FIBIN: variants seen among roughly 807,000 people sequenced by gnomAD.
The protein encoded by FIBIN is fin bud initiation factor homolog (zebrafish).
FIBIN carries 8 observed loss-of-function variants against 13.0 expected under a neutral mutation model. That is an observed-to-expected ratio of 0.62 (90% CI 0.36 to 1.11). The LOEUF (loss-of-function observed/expected upper bound fraction) is 1.11, where lower values mean the gene tolerates loss of function less well. FIBIN is among the 50% of genes most tolerant of loss of function. The pLI, the probability that FIBIN is intolerant of heterozygous loss-of-function variation, is 0.02. For synonymous variants in FIBIN, 127 were observed against 114.7 expected (o/e 1.11, Z -0.69); for missense variants, 261 against 260.2 (o/e 1.00, Z -0.02).
Position 26,994,815 on chromosome 11 carries a change from G to GTGGAGGATGCTGGGCGCCAGGTGGAGGA in FIBIN, c.291_292insGAGGATGCTGGGCGCCAGGTGGAGGATG (p.Leu98GlufsTer51). 1.2e-6 allele frequency: 2 copies of GTGGAGGATGCTGGGCGCCAGGTGGAGGA among 1,602,154 alleles called. No individual in the cohort carries two copies. Among genetic ancestry groups the GTGGAGGATGCTGGGCGCCAGGTGGAGGA allele is most frequent in the Non-Finnish European group, 1.7e-6 (2 of 1,172,852 alleles). ...CCGCCAGGTGGAGGATGCTGGGCGC[G>GTGGAGGATGCTGGGCGCCAGGTGGAGGA]TGCTGGAGGGCATCAGCAAAAGCAT... On this transcript the variant is annotated frameshift_variant, in exon 1 of 1. Coordinates refer to ENST00000318627, the MANE Select transcript of FIBIN (RefSeq NM_203371.2). LOFTEE classifies it high-confidence loss of function.
rs375562424 is a variant in FIBIN at position 26,996,612 on chromosome 11, TACAC to T, written c.*1465_*1468del. On this transcript the variant is annotated 3_prime_UTR_variant, in exon 1 of 1. Transcript: ENST00000318627. ...CTTTCTTGTTGCATATATGCACAGA[TACAC>T]ACACACACACACACGAAAATAAATA... Among the ~76,000 whole-genome samples, 3 of 150,532 alleles carry T rather than the reference TACAC, an allele frequency of 2.0e-5. No individual in the cohort carries two copies. The highest frequency in any genetic ancestry group is 6.6e-5 in the Admixed American group (1 of 15,060).
rs1850926692 is a variant in FIBIN, at chr11:26,996,216, A to G, written c.*1054A>G. 6.0e-6 allele frequency: 1 copy of G among 166,950 alleles called. No individual in the cohort carries two copies. The highest frequency in any genetic ancestry group is 6.5e-5 in the Admixed American group (1 of 15,292). 10.3% of individuals were successfully genotyped at this position (166,950 alleles called of 1,614,324 possible). ...AGAAGGACTGGATTTAAGCCAGTTT[A>G]CTTAGAGTATATGATAAAGAAGGCA... On this transcript the variant is annotated 3_prime_UTR_variant, in exon 1 of 1. Coordinates refer to ENST00000318627, the MANE Select transcript of FIBIN (RefSeq NM_203371.2).
rs1477026106 is a variant in FIBIN, at chr11:26,995,647, T to C, written c.*485T>C. ...ATGAGGTTCAAGGTGCTGCTTTGCA[T>C]GCCTGCCAACCCATGGAAGTTGTTT... is the stretch of plus-strand genomic sequence containing the variant. On this transcript the variant is annotated 3_prime_UTR_variant, in exon 1 of 1. Transcript: ENST00000318627. 6.0e-6 allele frequency: 1 copy of C among 167,852 alleles called. No homozygotes were observed. Among genetic ancestry groups the C allele is most frequent in the East Asian group, 1.9e-4 (1 of 5,184 alleles). 10.4% of individuals were successfully genotyped at this position (167,852 alleles called of 1,614,324 possible).
chr11:26,994,994 C>T lies in FIBIN; in HGVS notation c.468C>T (p.Ser156=). The T allele has an allele frequency of 1.2e-6, 2 of 1,614,096 alleles. No homozygotes were observed. Among genetic ancestry groups the T allele is most frequent in the Non-Finnish European group, 1.7e-6 (2 of 1,180,022 alleles). ...QGQEQDSRQE[S]RLNEDFLGML... The stretch of plus-strand genomic sequence containing the variant: ...AGGAACAGGACAGCCGGCAGGAGAG[C>T]AGGCTCAACGAGGACTTTCTGGGAA... Residue 156 remains serine (S), a synonymous_variant, in exon 1 of 1, where the codon AGC becomes AGT. Coordinates refer to ENST00000318627, the MANE Select transcript of FIBIN (RefSeq NM_203371.2).
chr11:26,995,049 G>A lies in FIBIN; in HGVS notation c.523G>A (p.Glu175Lys). 6.2e-7 allele frequency: 1 copy of A among 1,614,130 alleles called. No individual in the cohort carries two copies. Among genetic ancestry groups the A allele is most frequent in the Non-Finnish European group, 8.5e-7 (1 of 1,180,020 alleles). Residue 175 changes from glutamate (E) to lysine (K), a missense_variant, in exon 1 of 1, where the codon GAG becomes AAG. Coordinates refer to ENST00000318627, the MANE Select transcript of FIBIN (RefSeq NM_203371.2). Reference protein sequence around the residue: ...MLVHTRSLLKETLDISVGLRD... With the variant: ...MLVHTRSLLKKTLDISVGLRD... ...GGTCCACACCAGGTCCCTGCTGAAGGAGACACTGGACATCTCTGTGGGGCT... is the reference window on the plus strand; with the variant it reads ...GGTCCACACCAGGTCCCTGCTGAAGAAGACACTGGACATCTCTGTGGGGCT...
At position 26,994,267 on chromosome 11, in the gene FIBIN, G is replaced by T. The variant is rs112814603; in HGVS notation, c.-260G>T. The stretch of plus-strand genomic sequence containing the variant: ...CCCCGGAGGAGGGGTTCCCCGCTAC[G>T]CCTGTGCCGGAGGAGTTCCAGTCAC... On this transcript the variant is annotated 5_prime_UTR_variant, in exon 1 of 1. Transcript: ENST00000318627. The T allele has an allele frequency of 8.6e-5, 36 of 418,168 alleles. No individual in the cohort carries two copies. Among genetic ancestry groups the T allele is most frequent in the Middle Eastern group, 6.1e-4 (1 of 1,628 alleles). 25.9% of individuals were successfully genotyped at this position (418,168 alleles called of 1,614,324 possible). A position where few individuals can be genotyped will look rare whatever the true frequency, so the allele number is the denominator to read the frequency against.
Position 26,994,677 on chromosome 11 carries a change from A to G in FIBIN, c.151A>G (p.Lys51Glu), listed in dbSNP as rs1357791047. 1 of 1,613,640 alleles carries G rather than the reference A, an allele frequency of 6.2e-7. No homozygotes were observed. The highest frequency in any genetic ancestry group is 1.1e-5 in the South Asian group (1 of 91,020). ...GDYEENDDPE[K>E]CQLLFRVSDH... is the part of the protein sequence containing the mutation. ...CTATGAGGAGAACGATGACCCCGAG[A>G]AGTGCCAGCTGCTCTTCAGGGTGAG... The change falls in exon 1 of 1, where the codon AAG (lysine) becomes GAG (glutamate). Residue 51 changes from lysine (K) to glutamate (E), a missense_variant. Lys to Glu is a moderately conservative substitution (Grantham distance 56). Transcript: ENST00000318627.
rs1590142446 is a variant in FIBIN, at chr11:26,995,073, C to T, written c.547C>T (p.Leu183Phe). ...GGAGACACTGGACATCTCTGTGGGGCTCAGGGACAAATACGAGCTGCTGGC... is the reference window on the plus strand; with the variant it reads ...GGAGACACTGGACATCTCTGTGGGGTTCAGGGACAAATACGAGCTGCTGGC... Reference protein sequence around the residue: ...LKETLDISVGLRDKYELLALT... With the variant: ...LKETLDISVGFRDKYELLALT... Residue 183 changes from leucine (L) to phenylalanine (F), a missense_variant, in exon 1 of 1, where the codon CTC (leucine) becomes TTC (phenylalanine). Coordinates refer to ENST00000318627, the MANE Select transcript of FIBIN (RefSeq NM_203371.2). The T allele has an allele frequency of 3.1e-6, 5 of 1,614,076 alleles. No individual in the cohort carries two copies. The African/African-American group carries it at 4.0e-5, about 13-fold the overall frequency.
rs1236128909 is a variant in FIBIN at position 26,994,681 on chromosome 11, G to A, written c.155G>A (p.Cys52Tyr). ...GAGGAGAACGATGACCCCGAGAAGT[G>A]CCAGCTGCTCTTCAGGGTGAGTGAC... ...DYEENDDPEK[C>Y]QLLFRVSDHR... is the part of the protein sequence containing the mutation. Residue 52 changes from cysteine (C) to tyrosine (Y), a missense_variant, in exon 1 of 1, where the codon TGC becomes TAC. Cys to Tyr is a radical substitution (Grantham distance 194). Transcript: ENST00000318627. The A allele has an allele frequency of 5.6e-6, 9 of 1,613,632 alleles. No homozygotes were observed. The highest frequency in any genetic ancestry group is 1.3e-5 in the African/African-American group (1 of 74,808).
rs1850923174 is a variant in FIBIN, at chr11:26,995,991, CTT to C, written c.*831_*832del. 6.0e-6 allele frequency: 1 copy of C among 166,280 alleles called. No individual in the cohort carries two copies. Among genetic ancestry groups the C allele is most frequent in the African/African-American group, 2.4e-5 (1 of 41,442 alleles). The allele number at this position is 166,280 out of a possible 1,614,324, so 10.3% of individuals were successfully genotyped here. A position where few individuals can be genotyped will look rare whatever the true frequency, so the allele number is the denominator to read the frequency against. ...CTATGATTTAGGTTACCAATGTATT[CTT>C]TCTCATTTGGGGTTTTGCTTCTGTC... On this transcript the variant is annotated 3_prime_UTR_variant, in exon 1 of 1. Transcript: ENST00000318627.
At position 26,994,924 on chromosome 11, in the gene FIBIN, C is replaced by T. The variant is rs1213240103; in HGVS notation, c.398C>T (p.Ser133Leu). 1 of 1,609,352 alleles carries T rather than the reference C, an allele frequency of 6.2e-7. No homozygotes were observed. Among genetic ancestry groups the T allele is most frequent in the Admixed American group, 1.7e-5 (1 of 59,798 alleles). Residue 133 changes from serine to leucine, a missense_variant, in exon 1 of 1, where the codon TCG becomes TTG. By Grantham distance (145) the Ser-to-Leu change is moderately radical (BLOSUM62 -2). Coordinates refer to ENST00000318627, the MANE Select transcript of FIBIN (RefSeq NM_203371.2). ...CAGATCGGGGATGCCTACTCCAACT[C>T]GGACAAATCCCTCACTGAGCTGGAG... is the stretch of plus-strand genomic sequence containing the variant. Reference protein sequence around the residue: ...SHQIGDAYSNSDKSLTELESK... With the variant: ...SHQIGDAYSNLDKSLTELESK...
In FIBIN at chr11:26,994,428, C is replaced by G. The variant is rs1330300329; in HGVS notation, c.-99C>G. 2.3e-5 allele frequency: 27 copies of G among 1,198,204 alleles called. No homozygotes were observed. The highest frequency in any genetic ancestry group is 2.0e-4 in the Admixed American group (9 of 44,526). 74.2% of individuals were successfully genotyped at this position (1,198,204 alleles called of 1,614,324 possible). On this transcript the variant is annotated 5_prime_UTR_variant, in exon 1 of 1. Transcript: ENST00000318627. ...GCAAGCCAGCTGGGACTGAGGCGGACGCTGTCTCAGGGAGACGCTGACTCG... is the reference window on the plus strand; with the variant it reads ...GCAAGCCAGCTGGGACTGAGGCGGAGGCTGTCTCAGGGAGACGCTGACTCG...
chr11:26,994,967 C>T lies in FIBIN; in HGVS notation c.441C>T (p.Gly147=), dbSNP rs778308233. Residue 147 remains glycine, a synonymous_variant, in exon 1 of 1, where the codon GGC becomes GGT. Coordinates refer to ENST00000318627, the MANE Select transcript of FIBIN (RefSeq NM_203371.2). ...LTELESKFKQ[G]QEQDSRQESR... ...AGCTGGAGAGCAAGTTCAAGCAGGG[C>T]CAGGAACAGGACAGCCGGCAGGAGA... 1.9e-6 allele frequency: 3 copies of T among 1,613,644 alleles called. No homozygotes were observed. The highest frequency in any genetic ancestry group is 2.2e-5 in the South Asian group (2 of 91,000).
In FIBIN at chr11:26,994,625, G is replaced by A. The variant is rs185160436; in HGVS notation, c.99G>A (p.Leu33=). The A allele has an allele frequency of 3.1e-6, 5 of 1,614,122 alleles. No individual in the cohort carries two copies. In the East Asian group the frequency reaches 1.1e-4, roughly 36 times the overall value. Residue 33 remains leucine, a synonymous_variant, in exon 1 of 1, where the codon CTG becomes CTA. Coordinates refer to ENST00000318627, the MANE Select transcript of FIBIN (RefSeq NM_203371.2). ...ACCCAGAGATGTCCAATGGGACTCT[G>A]CACCACTACTTCGTGCCCGATGGGG... ...PLYPEMSNGT[L]HHYFVPDGDY...
At position 26,996,146 on chromosome 11, in the gene FIBIN, T is replaced by C. The variant is rs1488321199; in HGVS notation, c.*984T>C. ...ATACTGGCTTACTTTGTAATTTACA[T>C]CTGTAACTTTCATATTTCTAAAAGG... On this transcript the variant is annotated 3_prime_UTR_variant, in exon 1 of 1. Coordinates refer to ENST00000318627, the MANE Select transcript of FIBIN (RefSeq NM_203371.2). 1.2e-5 allele frequency: 2 copies of C among 166,876 alleles called. No individual in the cohort carries two copies. The highest frequency in any genetic ancestry group is 4.8e-5 in the African/African-American group (2 of 41,458). The allele number at this position is 166,876 out of a possible 1,614,324, so 10.3% of individuals were successfully genotyped here. A position where few individuals can be genotyped will look rare whatever the true frequency, so the allele number is the denominator to read the frequency against.
Position 26,994,796 on chromosome 11 carries a change from G to A in FIBIN, c.270G>A (p.Gln90=). The A allele has an allele frequency of 6.2e-7, 1 of 1,608,592 alleles. No homozygotes were observed. Among genetic ancestry groups the A allele is most frequent in the Non-Finnish European group, 8.5e-7 (1 of 1,176,466 alleles). Residue 90 remains glutamine, a synonymous_variant, in exon 1 of 1, where the codon CAG becomes CAA. Coordinates refer to ENST00000318627, the MANE Select transcript of FIBIN (RefSeq NM_203371.2). ...AGGAGTTCACCGTGCTGGGCCGCCA[G>A]GTGGAGGATGCTGGGCGCGTGCTGG... ...LREEFTVLGR[Q]VEDAGRVLEG... is the part of the protein sequence containing the mutation.
rs2133348349 is a variant in FIBIN at position 26,996,366 on chromosome 11, A to G, written c.*1204A>G. Reference sequence around the variant, plus strand: ...TCTATAGGTCTGCTTAAAGACTCAAATTTTCTCCAGTTTCTCTCATAAATT... The same window carrying G: ...TCTATAGGTCTGCTTAAAGACTCAAGTTTTCTCCAGTTTCTCTCATAAATT... On this transcript the variant is annotated 3_prime_UTR_variant, in exon 1 of 1. Coordinates refer to ENST00000318627, the MANE Select transcript of FIBIN (RefSeq NM_203371.2). Among the ~76,000 whole-genome samples the G allele has an allele frequency of 6.6e-6, 1 of 152,200 alleles. No homozygotes were observed. The highest frequency in any genetic ancestry group is 1.9e-4 in the East Asian group (1 of 5,170).
In FIBIN at chr11:26,994,609, T is replaced by C. The variant is rs2133347204; in HGVS notation, c.83T>C (p.Met28Thr). The C allele has an allele frequency of 6.2e-7, 1 of 1,614,110 alleles. No individual in the cohort carries two copies. The highest frequency in any genetic ancestry group is 2.2e-5 in the East Asian group (1 of 44,854). Residue 28 changes from methionine to threonine, a missense_variant, in exon 1 of 1, where the codon ATG becomes ACG. Coordinates refer to ENST00000318627, the MANE Select transcript of FIBIN (RefSeq NM_203371.2). ...GYFDGPLYPE[M>T]SNGTLHHYFV... ...TTCGATGGCCCCCTCTACCCAGAGA[T>C]GTCCAATGGGACTCTGCACCACTAC...
chr11:26,994,952 C>T lies in FIBIN; in HGVS notation c.426C>T (p.Ser142=), dbSNP rs1850908951. The T allele has an allele frequency of 6.2e-7, 1 of 1,612,670 alleles. No individual in the cohort carries two copies. Among genetic ancestry groups the T allele is most frequent in the African/African-American group, 1.3e-5 (1 of 74,904 alleles). ...NSDKSLTELE[S]KFKQGQEQDS... is the part of the protein sequence containing the mutation. ...ACAAATCCCTCACTGAGCTGGAGAG[C>T]AAGTTCAAGCAGGGCCAGGAACAGG... Residue 142 remains serine (S), a synonymous_variant, in exon 1 of 1, where the codon AGC becomes AGT. Transcript: ENST00000318627.
Sources: gnomAD v4.1 joint callset for allele counts (sites outside exome capture counted in the v4.1 genomes callset) on GRCh38, gnomAD v4.1.1 for gene constraint, MANE v1.5 for transcripts, NCBI Gene and HGNC (gene_info 2026-07-23, HGNC 2026-07-21) for gene names.